PPME1: variants seen among roughly 807,000 people sequenced by gnomAD.
PPME1 encodes the protein testicular secretory protein Li 39.
In PPME1, 17 loss-of-function variants were observed where a neutral mutation model predicts 56.9. The ratio of observed to expected loss-of-function variants is 0.30; its 90% CI spans 0.20 to 0.45. The LOEUF is 0.45. PPME1 is among the 20% of genes least tolerant of loss of function. The pLI, the probability that PPME1 is intolerant of heterozygous loss-of-function variation, is 1.00. For missense variants in PPME1, 357 were observed against 483.2 expected (o/e 0.74, Z 2.45); for synonymous variants, 122 against 156.2 (o/e 0.78, Z 1.63).
intron 1 of PPME1, 81 bp downstream of exon 1, chr11:74,171,603 C>G (rs1857231146): frequency 1.4e-6 from 2 of 1,471,662 alleles, no homozygotes. Context: ...CATAGAGGCA[C>G]GGGAAAGGAG....
At chr11:74,196,242 A>C (rs1321036371) in intron 1 of PPME1, among the ~76,000 whole-genome samples, 1 of 152,184 alleles carries the variant, frequency 6.6e-6, no homozygotes, top group East Asian at 1.9e-4. Flanking sequence ...AGTTTAATGA[A>C]AAGGATTTTA....
intron 9 of PPME1, among the ~76,000 whole-genome samples, chr11:74,240,348 C>A (rs1392319123): frequency 6.6e-6 from 1 of 152,154 alleles, no homozygotes; most frequent in African/African-American, 2.4e-5. Flanking sequence ...AACTGATGTT[C>A]TGCATGAATT....
At chr11:74,181,437 C>G (rs1405216351) in intron 1 of PPME1, among the ~76,000 whole-genome samples, 1 of 152,186 alleles carries the variant, frequency 6.6e-6, no homozygotes, top group Non-Finnish European at 1.5e-5. Flanking sequence ...CTCTGAGCAC[C>G]TATAACAATT....
intron 13 of PPME1, among the ~76,000 whole-genome samples, chr11:74,252,223 G>A (rs115044074): frequency 0.015 from 2,127 of 144,954 alleles, 32 homozygotes; most frequent in African/African-American, 0.042. Flanking sequence ...GTACGCCACC[G>A]TACCCGGCTA....
intron 1 of PPME1, among the ~76,000 whole-genome samples, chr11:74,183,176 A>G (rs912035207): frequency 1.1e-4 from 17 of 152,096 alleles, no homozygotes; most frequent in Non-Finnish European, 2.4e-4. Context: ...ATGTCCCTAT[A>G]GTCCCAGCCA....
intron 10 of PPME1, 100 bp downstream of exon 10, chr11:74,246,305 T>C (rs1859501813): frequency 2.4e-6 from 3 of 1,255,716 alleles, no homozygotes; most frequent in Admixed American, 6.1e-5. Context: ...CTCACAGTTC[T>C]GGAGGCTGGA....
intron 1 of PPME1, among the ~76,000 whole-genome samples, chr11:74,176,706 T>A (rs1231116431): frequency 6.6e-6 from 1 of 150,824 alleles, no homozygotes; most frequent in Non-Finnish European, 1.5e-5. Flanking sequence ...TTTTTCCTGG[T>A]ACCTGTGTAG....
At chr11:74,252,616 G>T in intron 13 of PPME1, 1 of 447,244 alleles carries the variant, frequency 2.2e-6, no homozygotes, top group Non-Finnish European at 4.5e-6. Flanking sequence ...TCATTGTGGG[G>T]ACTGTCCTGT....
intron 1 of PPME1, chr11:74,198,732 A>G: frequency 1.3e-5 from 2 of 152,266 alleles, no homozygotes. Flanking sequence ...GATTGCAGGC[A>G]TCAGCCACCA....
chr11:74,176,190 TTA>T (rs1345929191), intron 1 of PPME1, among the ~76,000 whole-genome samples: 1 of 152,220 alleles, frequency 6.6e-6, no homozygotes, highest in African/African-American at 2.4e-5. Context: ...GGTTCATAGT[TTA>T]TGTGGAAGCT....
At chr11:74,211,461 A>T (rs1436348227) in intron 3 of PPME1, among the ~76,000 whole-genome samples, 1 of 152,222 alleles carries the variant, frequency 6.6e-6, no homozygotes, top group African/African-American at 2.4e-5. Flanking sequence ...TATAAAAAGG[A>T]ATTTAATACA....
At chr11:74,242,896 A>AC (rs1401698606) in intron 9 of PPME1, among the ~76,000 whole-genome samples, 1 of 151,458 alleles carries the variant, frequency 6.6e-6, no homozygotes, top group Admixed American at 6.6e-5. Flanking sequence ...AAAAAAAAAA[A>AC]AAAAAAACAG....
chr11:74,189,909 C>T (rs1273737921), intron 1 of PPME1, among the ~76,000 whole-genome samples: 1 of 152,180 alleles, frequency 6.6e-6, no homozygotes, highest in Non-Finnish European at 1.5e-5. Flanking sequence ...TCTTGTGATT[C>T]ACTGGGCTTC....
At chr11:74,236,117 G>C in intron 8 of PPME1, 151 bp downstream of exon 8, 1 of 1,279,528 alleles carries the variant, frequency 7.8e-7, no homozygotes, top group Non-Finnish European at 1.0e-6. Context: ...AGTTGGGACA[G>C]ACATAGATTT....
At chr11:74,194,472 C>G (rs1857928424) in intron 1 of PPME1, among the ~76,000 whole-genome samples, 1 of 152,040 alleles carries the variant, frequency 6.6e-6, no homozygotes, top group Non-Finnish European at 1.5e-5. Context: ...TAACTTTTGA[C>G]CTGGGTCTTC....
At chr11:74,246,945 G>A in intron 10 of PPME1, 134 bp from the exon 11 acceptor site, 2 of 742,232 alleles carry the variant, frequency 2.7e-6, no homozygotes, top group Middle Eastern at 7.4e-4. Context: ...ATCTGGTGGT[G>A]AGAGTATGCT....
chr11:74,194,747 A>G (rs1857936211), intron 1 of PPME1, among the ~76,000 whole-genome samples: 1 of 152,188 alleles, frequency 6.6e-6, no homozygotes, highest in Non-Finnish European at 1.5e-5. Flanking sequence ...ACTGTCAGTC[A>G]TTGTGTGAAA....
chr11:74,208,049 C>A (rs1338067600), intron 3 of PPME1, among the ~76,000 whole-genome samples: 2 of 152,186 alleles, frequency 1.3e-5, no homozygotes, highest in Non-Finnish European at 2.9e-5. Flanking sequence ...CATGGTGGCT[C>A]ATGCCTGTAA....
At chr11:74,227,278 T>A (rs957821685) in intron 5 of PPME1, among the ~76,000 whole-genome samples, 4 of 152,176 alleles carry the variant, frequency 2.6e-5, no homozygotes, top group Non-Finnish European at 5.9e-5. Flanking sequence ...TCACATCTAT[T>A]TTTGTAGAGT....
Sources: gnomAD v4.1 joint callset for allele counts (sites outside exome capture counted in the v4.1 genomes callset) on GRCh38, gnomAD v4.1.1 for gene constraint, MANE v1.5 for transcripts, NCBI Gene and HGNC (gene_info 2026-07-23, HGNC 2026-07-21) for gene names.